Variants in EIPR1 observed in about 807,000 individuals in gnomAD.
EIPR1 encodes the protein EARP complex and GARP complex interacting protein 1.
A neutral mutation model predicts 48.1 loss-of-function variants in EIPR1; 25 were observed. The ratio of observed to expected loss-of-function variants is 0.52; its 90% CI spans 0.38 to 0.73. EIPR1 has a LOEUF of 0.73. EIPR1 is among the 30% of genes least tolerant of loss of function. EIPR1 has a pLI of 0.00. For missense variants in EIPR1, 415 were observed against 506.2 expected (o/e 0.82, Z 1.73); for synonymous variants, 204 against 201.9 (o/e 1.01, Z -0.09).
chr2:3,316,568 A>G (rs1394951782), intron 3 of EIPR1, among the ~76,000 whole-genome samples: 1 of 152,162 alleles, frequency 6.6e-6, no homozygotes, highest in Non-Finnish European at 1.5e-5. Flanking sequence ...CCTCTCTCCC[A>G]ACTCACAGGC....
At chr2:3,197,634 G>A (rs774039355) in intron 5 of EIPR1, among the ~76,000 whole-genome samples, 1 of 152,234 alleles carries the variant, frequency 6.6e-6, no homozygotes, top group Non-Finnish European at 1.5e-5. Context: ...TCCCCAGCTC[G>A]TTTCTCTGCT....
chr2:3,278,785 T>C (rs1667934444), intron 3 of EIPR1, among the ~76,000 whole-genome samples: 1 of 152,140 alleles, frequency 6.6e-6, no homozygotes, highest in African/African-American at 2.4e-5. Flanking sequence ...AGGCCATGTC[T>C]GCCCCAGCAA....
chr2:3,257,511 T>G (rs1245523600), intron 3 of EIPR1, 56 bp from the exon 4 acceptor site: 8 of 1,590,158 alleles, frequency 5.0e-6, no homozygotes, highest in Non-Finnish European at 6.9e-6. Context: ...CCCCGCATTC[T>G]GCAGACAGCA....
At chr2:3,314,918 T>A (rs971033036) in intron 3 of EIPR1, among the ~76,000 whole-genome samples, 1 of 151,736 alleles carries the variant, frequency 6.6e-6, no homozygotes, top group Non-Finnish European at 1.5e-5. Flanking sequence ...AGAGTGCTGG[T>A]CACCCTGAGG....
rs554608155 is a variant in EIPR1 at position 3,271,666 on chromosome 2, G to A, written c.260-14211C>T. Among the ~76,000 whole-genome samples the A allele has an allele frequency of 5.9e-5, 9 of 152,306 alleles. No homozygotes were observed. In the South Asian group the frequency reaches 1.9e-3, roughly 32 times the overall value. ...AAACCATGCTATGAACAGATGTGCT[G>A]TCATCCAGGCTTTATTGTTCCATTT... On this transcript the variant is annotated intron_variant, in intron 3 of 8. Coordinates refer to ENST00000382125, the MANE Select transcript of EIPR1 (RefSeq NM_003310.5).
intron 5 of EIPR1, among the ~76,000 whole-genome samples, chr2:3,198,092 TAGAC>T (rs1208658754): frequency 6.6e-6 from 1 of 152,134 alleles, no homozygotes; most frequent in Non-Finnish European, 1.5e-5. Context: ...GCCCACTGCA[TAGAC>T]AGGCAGGGGC....
chr2:3,236,915 G>C (rs923664704), intron 4 of EIPR1, among the ~76,000 whole-genome samples: 3 of 152,146 alleles, frequency 2.0e-5, no homozygotes, highest in Non-Finnish European at 4.4e-5. Flanking sequence ...ATCACCATTA[G>C]GCAAAAGGAC....
chr2:3,257,287 G>T lies in EIPR1; in HGVS notation c.416+12C>A, dbSNP rs1345146140. 2 of 1,610,748 alleles carry T rather than the reference G, an allele frequency of 1.2e-6. No individual in the cohort carries two copies. The highest frequency in any genetic ancestry group is 2.7e-5 in the African/African-American group (2 of 74,848). On this transcript the variant is annotated intron_variant, in intron 4 of 8. Coordinates refer to ENST00000382125, the MANE Select transcript of EIPR1 (RefSeq NM_003310.5). The stretch of plus-strand genomic sequence containing the variant: ...GGCTCGTTCTGGGCGCATGAAATAT[G>T]CAAAATCCTACCAGGCCATGTTGCC...
rs538138636 is a variant in EIPR1 at position 3,374,814 on chromosome 2, C to T, written c.42+2834G>A. 6.1e-5 allele frequency among the ~76,000 whole-genome samples: 9 copies of T among 147,352 alleles called. 2 individuals carry two copies. The South Asian group carries it at 2.1e-3, about 34-fold the overall frequency. Reference sequence around the variant, plus strand: ...AAACTAGTTCAACCATTGTGGAAGTCAGTGTGGCGATTCCTCAGGGATCTA... The same window carrying T: ...AAACTAGTTCAACCATTGTGGAAGTTAGTGTGGCGATTCCTCAGGGATCTA... On this transcript the variant is annotated intron_variant, in intron 1 of 8. Transcript: ENST00000382125.
intron 3 of EIPR1, among the ~76,000 whole-genome samples, chr2:3,284,798 G>A (rs1204679335): frequency 1.3e-5 from 2 of 152,062 alleles, no homozygotes; most frequent in Admixed American, 1.3e-4. Flanking sequence ...GGAGCACACA[G>A]TTGGGAAAGG....
chr2:3,190,081 G>A lies in EIPR1; in HGVS notation c.990-573C>T, dbSNP rs376171793. ...CCCTGGCCCTGTGGGAGCAGCAGAG[G>A]CGTGACCTGCCTGGCCTCCCCCAGG... On this transcript the variant is annotated intron_variant, in intron 8 of 8. Transcript: ENST00000382125. 1.7e-3 allele frequency among the ~76,000 whole-genome samples: 263 copies of A among 152,184 alleles called. 1 individual carries two copies. The highest frequency in any genetic ancestry group is 6.1e-3 in the African/African-American group (255 of 41,522).
Position 3,288,897 on chromosome 2 carries a change from C to T in EIPR1, c.260-31442G>A, listed in dbSNP as rs574869323. On this transcript the variant is annotated intron_variant, in intron 3 of 8. Transcript: ENST00000382125. Reference sequence around the variant, plus strand: ...GAGGGCCAGGTGATGGCCTCGGCAACGCCCACAGGCCCCAGCAGCCCTGGC... The same window carrying T: ...GAGGGCCAGGTGATGGCCTCGGCAATGCCCACAGGCCCCAGCAGCCCTGGC... Among the ~76,000 whole-genome samples the T allele has an allele frequency of 5.3e-5, 8 of 152,362 alleles. No individual in the cohort carries two copies. The East Asian group carries it at 5.8e-4, about 11-fold the overall frequency.
At chr2:3,240,696 C>A (rs1389422161) in intron 4 of EIPR1, among the ~76,000 whole-genome samples, 11,377 of 60,630 alleles carry the variant, frequency 0.19, 4 homozygotes, top group Non-Finnish European at 0.23. Flanking sequence ...CCTCCTAAAG[C>A]AAAGCCAGCA....
Position 3,257,284 on chromosome 2 carries a change from T to C in EIPR1, c.416+15A>G, listed in dbSNP as rs368800583. 2.4e-5 allele frequency: 39 copies of C among 1,608,352 alleles called. No homozygotes were observed. In the African/African-American group the frequency reaches 5.1e-4, roughly 21 times the overall value. On this transcript the variant is annotated intron_variant, in intron 4 of 8. Transcript: ENST00000382125. ...GCAGGCTCGTTCTGGGCGCATGAAA[T>C]ATGCAAAATCCTACCAGGCCATGTT...
Position 3,289,896 on chromosome 2 carries a change from C to T in EIPR1, c.260-32441G>A, listed in dbSNP as rs73913308. ...CCACCTTGATCCACGCCTCTCATCA[C>T]GACCACTACACCCTTTGTCACGGCC... On this transcript the variant is annotated intron_variant, in intron 3 of 8. Coordinates refer to ENST00000382125, the MANE Select transcript of EIPR1 (RefSeq NM_003310.5). 6.3e-3 allele frequency among the ~76,000 whole-genome samples: 958 copies of T among 152,340 alleles called. 14 individuals carry two copies. The highest frequency in any genetic ancestry group is 0.022 in the African/African-American group (898 of 41,586).
At chr2:3,254,037 A>C (rs1667081185) in intron 4 of EIPR1, among the ~76,000 whole-genome samples, 1 of 152,092 alleles carries the variant, frequency 6.6e-6, no homozygotes. Flanking sequence ...TTGTGCAGTA[A>C]ACATCTCCTG....
chr2:3,360,415 A>AAAAAG (rs1670824913), intron 1 of EIPR1, among the ~76,000 whole-genome samples: 1 of 150,148 alleles, frequency 6.7e-6, no homozygotes, highest in African/African-American at 2.4e-5. Flanking sequence ...AAAAAAAAAA[A>AAAAAG]AAAGAAAGAA....
At chr2:3,204,630 C>CA (rs1665164749) in intron 5 of EIPR1, among the ~76,000 whole-genome samples, 1 of 152,182 alleles carries the variant, frequency 6.6e-6, no homozygotes, top group African/African-American at 2.4e-5. Flanking sequence ...AGAATGTGAA[C>CA]AAAAGAATAC....
At chr2:3,326,524 C>T (rs1181609008) in intron 3 of EIPR1, among the ~76,000 whole-genome samples, 3 of 152,166 alleles carry the variant, frequency 2.0e-5, no homozygotes, top group Non-Finnish European at 2.9e-5. Flanking sequence ...TCTAGCTCCC[C>T]TTTTTAATTT....
Sources: allele counts gnomAD v4.1 joint callset (sites outside exome capture counted in the v4.1 genomes callset), GRCh38; gene constraint gnomAD v4.1.1; transcripts MANE v1.5; gene names NCBI Gene and HGNC (gene_info 2026-07-23, HGNC 2026-07-21).